The following WWTR1 variants were observed in gnomAD, a reference collection of about 807,000 sequenced individuals.
WWTR1 encodes the protein WW domain containing transcription regulator 1, also known as WW domain-containing transcription regulator protein 1.
In WWTR1, 13 loss-of-function variants were observed where a neutral mutation model predicts 40.1. The ratio of observed to expected loss-of-function variants is 0.32; its 90% confidence interval spans 0.21 to 0.52. The LOEUF (loss-of-function observed/expected upper bound fraction) is 0.52, where lower values mean the gene tolerates loss of function less well. Ranked by LOEUF, WWTR1 falls within the 20% of genes least tolerant of loss-of-function variation. The pLI, the probability that WWTR1 is intolerant of heterozygous loss-of-function variation, is 0.97. For missense variants in WWTR1, 436 were observed against 523.1 expected (o/e 0.83, Z 1.63); for synonymous variants, 230 against 210.1 (o/e 1.09, Z -0.82).
rs112545687 is a variant in WWTR1 at position 149,721,462 on chromosome 3, A to G, written n.459+2618T>C. Among the ~76,000 whole-genome samples the G allele has an allele frequency of 4.1e-3, 619 of 152,328 alleles. 7 individuals are homozygous for G. The highest frequency in any genetic ancestry group is 0.014 in the African/African-American group (585 of 41,574). The stretch of plus-strand genomic sequence containing the variant: ...TTCCAGGAATAAACCTCACTTAGCC[A>G]TAGCGTATAATCTTTTAAATATGCT... On this transcript the variant is annotated intron_variant and non_coding_transcript_variant, in intron 4 of 6. Coordinates refer to the WWTR1 transcript ENST00000474080.
intron 2 of WWTR1, among the ~76,000 whole-genome samples, chr3:149,602,135 A>G (rs557164111): frequency 1.3e-5 from 2 of 152,284 alleles, no homozygotes; most frequent in South Asian, 4.1e-4. Context: ...ATGCTGGGGG[A>G]AAATGAGGAA....
chr3:149,601,870 G>A (rs1191758472), intron 2 of WWTR1, among the ~76,000 whole-genome samples: 1 of 152,164 alleles, frequency 6.6e-6, no homozygotes, highest in Non-Finnish European at 1.5e-5. Flanking sequence ...TAATCATATG[G>A]TACAGAGGGA....
chr3:149,572,729 C>A, intron 3 of WWTR1, 135 bp downstream of exon 3: 2 of 1,070,210 alleles, frequency 1.9e-6, no homozygotes, highest in Admixed American at 2.6e-5. Flanking sequence ...TGCCTGTTAT[C>A]GCAGCACTTT....
At chr3:149,553,580 A>G (rs905299195) in intron 3 of WWTR1, among the ~76,000 whole-genome samples, 12 of 152,314 alleles carry the variant, frequency 7.9e-5, no homozygotes, top group Middle Eastern at 3.4e-3. Context: ...AAAGGCTTAT[A>G]TATGGGAAGG....
intron 2 of WWTR1, among the ~76,000 whole-genome samples, chr3:149,652,439 T>C (rs557714449): frequency 1.5e-4 from 22 of 151,098 alleles, no homozygotes; most frequent in African/African-American, 4.9e-4. Context: ...CTGGGCAGCA[T>C]AGGAAACCCT....
chr3:149,715,026 C>T (rs1715570267), intron 5 of WWTR1, among the ~76,000 whole-genome samples: 1 of 152,162 alleles, frequency 6.6e-6, no homozygotes, highest in Admixed American at 6.5e-5. Context: ...GACACCCTGG[C>T]TATGGAAAGA....
At chr3:149,665,286 C>T (rs933520079) in intron 2 of WWTR1, among the ~76,000 whole-genome samples, 40 of 139,982 alleles carry the variant, frequency 2.9e-4, no homozygotes, top group African/African-American at 9.4e-4. Context: ...AGTGCAGTGG[C>T]GTCATCTTGG....
At chr3:149,631,193 T>A (rs969687942) in intron 2 of WWTR1, among the ~76,000 whole-genome samples, 4 of 152,150 alleles carry the variant, frequency 2.6e-5, no homozygotes, top group African/African-American at 9.7e-5. Context: ...CCTACCAATA[T>A]CATGGGGGCA....
At chr3:149,655,328 C>T (rs1713143767) in intron 2 of WWTR1, among the ~76,000 whole-genome samples, 1 of 151,822 alleles carries the variant, frequency 6.6e-6, no homozygotes, top group African/African-American at 2.4e-5. Flanking sequence ...GCCTGTAATC[C>T]CAGCTACTCA....
At chr3:149,698,616 TTCTC>T (rs1026192033) in intron 1 of WWTR1, among the ~76,000 whole-genome samples, 2 of 152,182 alleles carry the variant, frequency 1.3e-5, no homozygotes, top group African/African-American at 2.4e-5. Flanking sequence ...TTAGTAGAGT[TTCTC>T]TCTAGGGGCT....
At chr3:149,642,433 A>G (rs893909526) in intron 2 of WWTR1, among the ~76,000 whole-genome samples, 2 of 151,372 alleles carry the variant, frequency 1.3e-5, no homozygotes, top group African/African-American at 4.9e-5. Flanking sequence ...ACACACACAC[A>G]CACACGAAAG....
rs567519793 is a variant in WWTR1, at chr3:149,518,155, T to C, written c.*2650A>G. On this transcript the variant is annotated 3_prime_UTR_variant, in exon 7 of 7. Coordinates refer to ENST00000360632, the MANE Select transcript of WWTR1 (RefSeq NM_015472.6). ...AAACAAAAAATTATATCTGGCTTTA[T>C]CTATTAGTAAACACAAAGGGTCCAT... 1.3e-5 allele frequency: 2 copies of C among 152,220 alleles called. No homozygotes were observed. Among genetic ancestry groups the C allele is most frequent in the Admixed American group, 6.5e-5 (1 of 15,292 alleles). 9.4% of individuals were successfully genotyped at this position (152,220 alleles called of 1,614,324 possible). A position where few individuals can be genotyped will look rare whatever the true frequency, so the allele number is the denominator to read the frequency against.
chr3:149,642,361 G>A (rs911411653), intron 2 of WWTR1, among the ~76,000 whole-genome samples: 7 of 151,500 alleles, frequency 4.6e-5, no homozygotes, highest in Admixed American at 1.3e-4. Flanking sequence ...CAGAGGTTGC[G>A]GTGAACTGAG....
chr3:149,617,182 G>A (rs1740015137), intron 2 of WWTR1, among the ~76,000 whole-genome samples: 1 of 152,176 alleles, frequency 6.6e-6, no homozygotes, highest in Non-Finnish European at 1.5e-5. Context: ...GCCACCTTGT[G>A]CCATGACAAG....
At position 149,518,606 on chromosome 3, in the gene WWTR1, A is replaced by G; in HGVS notation, c.*2199T>C. ...AGAGGGCTTAGGGAGAGTGAAAGGA[A>G]TTAGAGGAACATAAACCATGGGTCC... On this transcript the variant is annotated 3_prime_UTR_variant, in exon 7 of 7. Coordinates refer to ENST00000360632, the MANE Select transcript of WWTR1 (RefSeq NM_015472.6). The G allele has an allele frequency of 6.6e-6, 1 of 152,106 alleles. No individual in the cohort carries two copies. Among genetic ancestry groups the G allele is most frequent in the East Asian group, 1.9e-4 (1 of 5,172 alleles). The allele number at this position is 152,106 out of a possible 1,614,324, so 9.4% of individuals were successfully genotyped here.
chr3:149,689,922 G>A (rs968420114), intron 1 of WWTR1, among the ~76,000 whole-genome samples: 3 of 152,136 alleles, frequency 2.0e-5, no homozygotes, highest in Non-Finnish European at 4.4e-5. Flanking sequence ...TTAAGATATA[G>A]ATAGTATAAT....
chr3:149,561,974 A>T, intron 3 of WWTR1, among the ~76,000 whole-genome samples: 1 of 152,180 alleles, frequency 6.6e-6, no homozygotes, highest in Non-Finnish European at 1.5e-5. Context: ...TTTTCTAATT[A>T]AAACAACTCA....
At chr3:149,586,261 CT>C (rs369289734) in intron 2 of WWTR1, among the ~76,000 whole-genome samples, 16,964 of 147,292 alleles carry the variant, frequency 0.12, 1,201 homozygotes, top group African/African-American at 0.2. Context: ...GATTCACCAA[CT>C]TTTTTTTTTT....
chr3:149,704,859 A>C (rs112852870), upstream of WWTR1, among the ~76,000 whole-genome samples: 3,355 of 151,914 alleles, frequency 0.022, 72 homozygotes, highest in African/African-American at 0.054. Flanking sequence ...AAAAAAAAAA[A>C]AACAACAACA....
Sources: allele counts gnomAD v4.1 joint callset (sites outside exome capture counted in the v4.1 genomes callset), GRCh38; gene constraint gnomAD v4.1.1; transcripts MANE v1.5; gene names NCBI Gene and HGNC (gene_info 2026-07-23, HGNC 2026-07-21).